Variants in COP1 observed in about 807,000 individuals in gnomAD.
The protein encoded by COP1 is E3 ubiquitin-protein ligase COP1.
In COP1, 24 loss-of-function variants were observed where a neutral mutation model predicts 101.3. The observed-to-expected ratio is 0.24, with a 90% CI of 0.17 to 0.33. The LOEUF is 0.33. COP1 is among the 10% of genes least tolerant of loss of function. The pLI, the probability that COP1 is intolerant of heterozygous loss-of-function variation, is 1.00. For missense variants in COP1, 663 were observed against 906.2 expected, an observed-to-expected ratio of 0.73 and a Z score of 3.45; for synonymous variants, 347 against 341.9, an observed-to-expected ratio of 1.01 and a Z score of -0.17.
At chr1:176,052,807 G>C (rs1571939915) in intron 11 of COP1, among the ~76,000 whole-genome samples, 5 of 151,962 alleles carry the variant, frequency 3.3e-5, no homozygotes, top group Middle Eastern at 6.8e-3. Flanking sequence ...AAACATATGA[G>C]ATGACATCAT....
chr1:175,976,327 G>C (rs1419927877), intron 18 of COP1, among the ~76,000 whole-genome samples: 1 of 118,344 alleles, frequency 8.4e-6, no homozygotes, highest in Non-Finnish European at 1.6e-5. Flanking sequence ...GCCCAGGCTG[G>C]AATGTGGTGG....
chr1:175,973,497 A>G (rs1312813105), intron 18 of COP1, among the ~76,000 whole-genome samples: 1 of 152,212 alleles, frequency 6.6e-6, no homozygotes, highest in African/African-American at 2.4e-5. Context: ...AAGTTGCTAA[A>G]TGTTACACAT....
chr1:175,986,802 T>C (rs182220908), intron 18 of COP1, 141 bp downstream of exon 18: 2 of 590,190 alleles, frequency 3.4e-6, no homozygotes, highest in South Asian at 2.8e-5. Context: ...AAAATGCCTA[T>C]TGTCTTTGGT....
intron 5 of COP1, among the ~76,000 whole-genome samples, chr1:176,157,719 C>T (rs1338146316): frequency 6.6e-6 from 1 of 152,134 alleles, no homozygotes; most frequent in Non-Finnish European, 1.5e-5. Context: ...CAAAAATATT[C>T]AGCACTGAAC....
At chr1:175,955,464 T>C (rs1464277779) in intron 18 of COP1, among the ~76,000 whole-genome samples, 1 of 152,116 alleles carries the variant, frequency 6.6e-6, no homozygotes. Flanking sequence ...ACCATTTGTA[T>C]TCAACACTGT....
At chr1:175,973,891 T>C (rs1653872937) in intron 18 of COP1, among the ~76,000 whole-genome samples, 1 of 152,128 alleles carries the variant, frequency 6.6e-6, no homozygotes, top group South Asian at 2.1e-4. Flanking sequence ...AGCACAAAGA[T>C]GAAAACAAGC....
At chr1:176,089,274 C>CTG (rs1302887154) in intron 9 of COP1, among the ~76,000 whole-genome samples, 2 of 144,050 alleles carry the variant, frequency 1.4e-5, no homozygotes, top group African/African-American at 5.2e-5. Flanking sequence ...GCCTGGGTGA[C>CTG]AGACTGAGAC....
chr1:175,984,673 G>A (rs573294057), intron 18 of COP1, among the ~76,000 whole-genome samples: 7 of 152,322 alleles, frequency 4.6e-5, no homozygotes, highest in East Asian at 1.9e-4. Context: ...ATGCCAGCTC[G>A]TTAAAGCAGC....
intron 14 of COP1, among the ~76,000 whole-genome samples, chr1:176,039,695 C>T (rs1670184801): frequency 6.6e-6 from 1 of 152,082 alleles, no homozygotes; most frequent in Non-Finnish European, 1.5e-5. Context: ...TTCAAAACAG[C>T]CTTACAGTGT....
At chr1:176,098,377 T>C (rs1572218156) in intron 9 of COP1, among the ~76,000 whole-genome samples, 1 of 152,288 alleles carries the variant, frequency 6.6e-6, no homozygotes, top group South Asian at 2.1e-4. Context: ...TATAAGAAGG[T>C]GTGGAAATGT....
chr1:176,180,814 C>A (rs1052758749), intron 2 of COP1, among the ~76,000 whole-genome samples: 5 of 151,986 alleles, frequency 3.3e-5, no homozygotes, highest in African/African-American at 9.7e-5. Flanking sequence ...ATCTAATAAC[C>A]AGGTGTAAAG....
chr1:175,963,098 TAA>T (rs1651580071), intron 18 of COP1, among the ~76,000 whole-genome samples: 1 of 152,088 alleles, frequency 6.6e-6, no homozygotes, highest in Non-Finnish European at 1.5e-5. Context: ...CCTGAATAAT[TAA>T]ATTATTTAAT....
chr1:176,077,744 C>G (rs1422009858), intron 11 of COP1, among the ~76,000 whole-genome samples: 1 of 152,114 alleles, frequency 6.6e-6, no homozygotes, highest in Non-Finnish European at 1.5e-5. Context: ...ATTCTATACA[C>G]AGAAAACCCT....
intron 15 of COP1, among the ~76,000 whole-genome samples, chr1:175,993,855 C>T (rs1224138812): frequency 2.0e-5 from 3 of 152,158 alleles, no homozygotes; most frequent in African/African-American, 7.2e-5. Flanking sequence ...CCCAATCTAG[C>T]AAGGCAGGCC....
intron 15 of COP1, among the ~76,000 whole-genome samples, chr1:175,999,881 T>G (rs572172439): frequency 6.6e-6 from 1 of 152,150 alleles, no homozygotes; most frequent in Admixed American, 6.6e-5. Context: ...CTTTTACATA[T>G]ACCAGTTTGC....
chr1:176,080,495 C>CA (rs1351065388), intron 11 of COP1, among the ~76,000 whole-genome samples: 1 of 151,960 alleles, frequency 6.6e-6, no homozygotes, highest in East Asian at 1.9e-4. Context: ...CTGGGAAGAT[C>CA]AATAAAACTG....
chr1:176,155,582 A>G (rs1693324265), intron 5 of COP1, among the ~76,000 whole-genome samples: 2 of 152,118 alleles, frequency 1.3e-5, no homozygotes, highest in South Asian at 2.1e-4. Flanking sequence ...ATGGCTGACT[A>G]TGTTCAAAAA....
intron 1 of COP1, among the ~76,000 whole-genome samples, chr1:176,198,039 G>C (rs1244670979): frequency 6.6e-6 from 1 of 152,132 alleles, no homozygotes. Flanking sequence ...CTATGTTCAT[G>C]ATTCAAAAGA....
In COP1 at chr1:176,086,912, T is replaced by G. The variant is rs144453612; in HGVS notation, c.1027-1022A>C. Among the ~76,000 whole-genome samples, 432 of 152,228 alleles carry G rather than the reference T, an allele frequency of 2.8e-3. 1 individual carries two copies. Among genetic ancestry groups the G allele is most frequent in the Non-Finnish European group, 3.8e-3 (256 of 68,026 alleles). On this transcript the variant is annotated intron_variant, in intron 9 of 19. Coordinates refer to ENST00000367669, the MANE Select transcript of COP1 (RefSeq NM_022457.7). ...CATGGTACTGGTACCCAAACAGAGA[T>G]ACAGACCAATCGAACAGAACAGATG...
Sources: gnomAD v4.1 joint callset for allele counts (sites outside exome capture counted in the v4.1 genomes callset) on GRCh38, gnomAD v4.1.1 for gene constraint, MANE v1.5 for transcripts, NCBI Gene and HGNC (gene_info 2026-07-23, HGNC 2026-07-21) for gene names.